PPP2R2C: variants seen among roughly 807,000 people sequenced by gnomAD.
PPP2R2C encodes the protein protein phosphatase 2 regulatory subunit Bgamma.
PPP2R2C carries 10 observed loss-of-function variants against 45.3 expected under a neutral mutation model. The observed-to-expected ratio is 0.22, with a 90% CI of 0.14 to 0.37. PPP2R2C has a LOEUF of 0.37. Ranked by LOEUF, PPP2R2C falls within the 10% of genes least tolerant of loss-of-function variation. The probability of loss-of-function intolerance (pLI) is 1.00; values close to 1 mark genes in which losing one functional copy is unlikely to be tolerated. For synonymous variants in PPP2R2C, 257 were observed against 245.4 expected (o/e 1.05, Z -0.44); for missense variants, 308 against 619.7 (o/e 0.50, Z 5.34).
At chr4:6,438,532 C>T (rs1720001429) in intron 1 of PPP2R2C, among the ~76,000 whole-genome samples, 1 of 152,178 alleles carries the variant, frequency 6.6e-6, no homozygotes, top group Admixed American at 6.5e-5. Flanking sequence ...TCACTTTTTC[C>T]TTCAAGATAA....
At chr4:6,446,002 C>T (rs1720396633) in intron 1 of PPP2R2C, among the ~76,000 whole-genome samples, 1 of 152,228 alleles carries the variant, frequency 6.6e-6, no homozygotes. Context: ...GCCAAGGCTT[C>T]CTGGTGCACA....
intron 2 of PPP2R2C, among the ~76,000 whole-genome samples, chr4:6,499,805 G>T (rs1433380768): frequency 6.7e-6 from 1 of 150,118 alleles, no homozygotes; most frequent in African/African-American, 2.4e-5. Flanking sequence ...CACCTGCTGG[G>T]CTCCCTCCTT....
chr4:6,349,756 T>G (rs1712363014), intron 5 of PPP2R2C: 8 of 686,404 alleles, frequency 1.2e-5, no homozygotes, highest in Non-Finnish European at 1.4e-5. Flanking sequence ...AAATTAGTAG[T>G]GGCGTATGCC....
At chr4:6,462,614 C>T (rs1721385027) in intron 1 of PPP2R2C, among the ~76,000 whole-genome samples, 1 of 152,184 alleles carries the variant, frequency 6.6e-6, no homozygotes, top group Admixed American at 6.5e-5. Context: ...GGATCCTGGG[C>T]CAAACCACCC....
chr4:6,454,210 G>A (rs1412249492), intron 1 of PPP2R2C, among the ~76,000 whole-genome samples: 1 of 152,142 alleles, frequency 6.6e-6, no homozygotes, highest in African/African-American at 2.4e-5. Flanking sequence ...GGCACACCGT[G>A]TTTCCCAGGG....
chr4:6,425,806 T>C (rs1023285340), intron 1 of PPP2R2C, among the ~76,000 whole-genome samples: 2 of 149,892 alleles, frequency 1.3e-5, no homozygotes, highest in African/African-American at 2.4e-5. Flanking sequence ...CCAGAATCGA[T>C]GCTTGGCTGT....
chr4:6,410,384 G>A (rs941778015), intron 1 of PPP2R2C, among the ~76,000 whole-genome samples: 2 of 152,204 alleles, frequency 1.3e-5, no homozygotes, highest in Non-Finnish European at 2.9e-5. Flanking sequence ...CCTGACTCGG[G>A]GGGTGGTGGC....
Position 6,378,197 on chromosome 4 carries a change from G to T in PPP2R2C, c.334+210C>A, listed in dbSNP as rs529550807. The T allele has an allele frequency of 9.9e-6, 6 of 603,052 alleles. No homozygotes were observed. Among genetic ancestry groups the T allele is most frequent in the South Asian group, 1.5e-4 (2 of 13,662 alleles). The allele number at this position is 603,052 out of a possible 1,614,324, so 37.4% of individuals were successfully genotyped here. A position where few individuals can be genotyped will look rare whatever the true frequency, so the allele number is the denominator to read the frequency against. Reference sequence around the variant, plus strand: ...TGGGATTTACATGCTGCTCAAAAAGGGGGGCAGCCCTGTGTCCAGACACAG... The same window carrying T: ...TGGGATTTACATGCTGCTCAAAAAGTGGGGCAGCCCTGTGTCCAGACACAG... On this transcript the variant is annotated intron_variant, in intron 3 of 8. Transcript: ENST00000382599. This position sits in a 1 kb window ranked among gnomAD's most constrained non-coding sequence, Gnocchi z 5.2.
At chr4:6,546,920 A>T (rs1452661791) in intron 1 of PPP2R2C, among the ~76,000 whole-genome samples, 1 of 152,148 alleles carries the variant, frequency 6.6e-6, no homozygotes, top group Non-Finnish European at 1.5e-5. Flanking sequence ...GGAGAAAAGG[A>T]AAGAGGGGAG....
At chr4:6,439,459 C>A (rs1231672693) in intron 1 of PPP2R2C, among the ~76,000 whole-genome samples, 4 of 152,170 alleles carry the variant, frequency 2.6e-5, no homozygotes, top group African/African-American at 9.7e-5. Context: ...CAAAATAGCT[C>A]ATTTCCATCC....
intron 1 of PPP2R2C, among the ~76,000 whole-genome samples, chr4:6,417,114 G>A (rs1028600692): frequency 1.3e-5 from 2 of 152,216 alleles, no homozygotes; most frequent in Admixed American, 1.3e-4. Flanking sequence ...GTGAGGTTCC[G>A]TGTCTCTCTT....
chr4:6,448,858 G>A (rs1290799993), intron 1 of PPP2R2C, among the ~76,000 whole-genome samples: 2 of 152,198 alleles, frequency 1.3e-5, no homozygotes, highest in Non-Finnish European at 2.9e-5. Context: ...GAAGGCTCAC[G>A]GAGGTCCTGC....
chr4:6,515,818 C>G (rs991371419), intron 2 of PPP2R2C, among the ~76,000 whole-genome samples: 1 of 152,196 alleles, frequency 6.6e-6, no homozygotes, highest in African/African-American at 2.4e-5. Flanking sequence ...AGTCCAAGAT[C>G]GAGGTGTCCG....
chr4:6,444,093 T>G (rs928176950), intron 1 of PPP2R2C, among the ~76,000 whole-genome samples: 10 of 151,974 alleles, frequency 6.6e-5, no homozygotes, highest in African/African-American at 2.2e-4. Flanking sequence ...AATGCCTGAT[T>G]AGGAGAGAGT....
chr4:6,354,585 G>A (rs1268635992), intron 5 of PPP2R2C, among the ~76,000 whole-genome samples: 1 of 152,068 alleles, frequency 6.6e-6, no homozygotes, highest in Non-Finnish European at 1.5e-5. Context: ...ATGGGGAGAC[G>A]ACTCTGAACC....
At chr4:6,416,940 C>T (rs1007698797) in intron 1 of PPP2R2C, among the ~76,000 whole-genome samples, 4 of 152,122 alleles carry the variant, frequency 2.6e-5, no homozygotes, top group Non-Finnish European at 4.4e-5. Context: ...AGTCCAGCCC[C>T]GCCTCTCCTC....
At chr4:6,442,259 C>G (rs1720193836) in intron 1 of PPP2R2C, among the ~76,000 whole-genome samples, 1 of 152,226 alleles carries the variant, frequency 6.6e-6, no homozygotes, top group African/African-American at 2.4e-5. Flanking sequence ...CCCCCAGCAG[C>G]AGGCCTGGCC....
At chr4:6,428,148 T>C (rs1010494356) in intron 1 of PPP2R2C, among the ~76,000 whole-genome samples, 4 of 152,228 alleles carry the variant, frequency 2.6e-5, no homozygotes, top group African/African-American at 9.6e-5. Context: ...TACAAGTTCA[T>C]CCTATTGCTT....
chr4:6,350,105 C>T, intron 5 of PPP2R2C: 4 of 985,422 alleles, frequency 4.1e-6, no homozygotes, highest in Non-Finnish European at 4.8e-6. Context: ...GGCATCACTG[C>T]CTGGCTGGTT....
Sources: gnomAD v4.1 joint callset for allele counts (sites outside exome capture counted in the v4.1 genomes callset) on GRCh38, gnomAD v4.1.1 for gene constraint, Gnocchi (gnomAD v3.1) non-coding constraint, MANE v1.5 for transcripts, NCBI Gene and HGNC (gene_info 2026-07-23, HGNC 2026-07-21) for gene names.